PHAX: variants seen among roughly 807,000 people sequenced by gnomAD.
PHAX encodes phosphorylated adapter RNA export protein.
PHAX carries 31 observed loss-of-function variants against 41.6 expected under a neutral mutation model. The observed-to-expected ratio is 0.75, with a 90% CI of 0.56 to 1.01. PHAX has a LOEUF of 1.01. PHAX is among the 50% of genes least tolerant of loss of function. PHAX has a pLI of 0.00. For missense variants in PHAX, 453 were observed against 472.9 expected, an observed-to-expected ratio of 0.96 and a Z score of 0.39; for synonymous variants, 175 against 164.9, an observed-to-expected ratio of 1.06 and a Z score of -0.47.
At chr5:126,619,691 T>C (rs1001731645) in intron 4 of PHAX, among the ~76,000 whole-genome samples, 6 of 152,190 alleles carry the variant, frequency 3.9e-5, no homozygotes, top group African/African-American at 1.4e-4. Context: ...TCCAGTATTA[T>C]AAACTAGAAG....
At chr5:126,619,612 A>G (rs1752239003) in intron 4 of PHAX, among the ~76,000 whole-genome samples, 1 of 151,610 alleles carries the variant, frequency 6.6e-6, no homozygotes, top group Non-Finnish European at 1.5e-5. Context: ...TGGTTATCTT[A>G]CAGAATATTA....
At chr5:126,623,704 G>C (rs756198079) in intron 4 of PHAX, among the ~76,000 whole-genome samples, 13 of 152,060 alleles carry the variant, frequency 8.5e-5, no homozygotes, top group Non-Finnish European at 1.5e-4. Context: ...TGTGCTGCTT[G>C]TAACTATTTA....
rs968760518 is a variant in PHAX, at chr5:126,625,069, A to G, written c.*225A>G. ...ATATAGCACAGGATTTAATTTCTCAATCTGTTGCATGTGCTAATTATGAGT... is the reference window on the plus strand; with the variant it reads ...ATATAGCACAGGATTTAATTTCTCAGTCTGTTGCATGTGCTAATTATGAGT... On this transcript the variant is annotated 3_prime_UTR_variant, in exon 5 of 5. Coordinates refer to ENST00000297540, the MANE Select transcript of PHAX (RefSeq NM_032177.4). 3.5e-5 allele frequency: 17 copies of G among 482,464 alleles called. No homozygotes were observed. The highest frequency in any genetic ancestry group is 1.6e-4 in the African/African-American group (8 of 50,154). 29.9% of individuals were successfully genotyped at this position (482,464 alleles called of 1,614,324 possible).
In PHAX at chr5:126,625,596, C is replaced by CAA. The variant is rs34986351; in HGVS notation, c.*766_*767dup. The stretch of plus-strand genomic sequence containing the variant: ...TGGGCGACAGAGCAAGACTCTGTCT[C>CAA]AAAAAAAAAAAAAAATACAATTAAG... On this transcript the variant is annotated 3_prime_UTR_variant, in exon 5 of 5. Coordinates refer to ENST00000297540, the MANE Select transcript of PHAX (RefSeq NM_032177.4). The CAA allele has an allele frequency of 9.9e-4, 116 of 117,704 alleles. 2 individuals are homozygous for CAA. The highest frequency in any genetic ancestry group is 6.6e-3 in the South Asian group (25 of 3,802). The allele number at this position is 117,704 out of a possible 1,614,324, so 7.3% of individuals were successfully genotyped here. A position where few individuals can be genotyped will look rare whatever the true frequency, so the allele number is the denominator to read the frequency against.
chr5:126,606,118 CCTTG>C (rs1320674706), intron 2 of PHAX, among the ~76,000 whole-genome samples: 8 of 151,894 alleles, frequency 5.3e-5, no homozygotes, highest in African/African-American at 1.7e-4. Context: ...TAATCTCGTG[CCTTG>C]CTTCTGTCAG....
rs1384092348 is a variant in PHAX at position 126,626,448 on chromosome 5, C to CA, written c.*1610dup. The CA allele has an allele frequency of 6.6e-6, 1 of 151,618 alleles. No homozygotes were observed. Among genetic ancestry groups the CA allele is most frequent in the Non-Finnish European group, 1.5e-5 (1 of 67,910 alleles). 9.4% of individuals were successfully genotyped at this position (151,618 alleles called of 1,614,324 possible). A position where few individuals can be genotyped will look rare whatever the true frequency, so the allele number is the denominator to read the frequency against. On this transcript the variant is annotated 3_prime_UTR_variant, in exon 5 of 5. Transcript: ENST00000297540. ...ATCTCAACTAAAAATACAAAAAATACAAAAAATTAGCCGGGCGCGGTGGCT... is the reference window on the plus strand; with the variant it reads ...ATCTCAACTAAAAATACAAAAAATACAAAAAAATTAGCCGGGCGCGGTGGCT...
intron 4 of PHAX, among the ~76,000 whole-genome samples, chr5:126,622,839 C>T (rs1483547819): frequency 6.6e-6 from 1 of 151,730 alleles, no homozygotes; most frequent in African/African-American, 2.4e-5. Flanking sequence ...ATTTTAAGAA[C>T]ATTGGGCCGG....
chr5:126,602,518 A>G (rs1751919956), intron 1 of PHAX, among the ~76,000 whole-genome samples: 1 of 152,276 alleles, frequency 6.6e-6, no homozygotes, highest in Non-Finnish European at 1.5e-5. Flanking sequence ...ATTTGAAGAT[A>G]GGAAGATAGA....
chr5:126,619,358 A>C (rs180999080), intron 4 of PHAX, among the ~76,000 whole-genome samples: 1 of 152,076 alleles, frequency 6.6e-6, no homozygotes, highest in Non-Finnish European at 1.5e-5. Context: ...TGGGCAGATC[A>C]GTTGAGTTCA....
intron 2 of PHAX, among the ~76,000 whole-genome samples, chr5:126,605,147 A>G (rs1263301676): frequency 6.6e-6 from 1 of 150,930 alleles, no homozygotes; most frequent in Non-Finnish European, 1.5e-5. Flanking sequence ...ATATGCATCA[A>G]CCACTGCGCT....
At chr5:126,606,683 A>G (rs931133578) in intron 2 of PHAX, among the ~76,000 whole-genome samples, 3 of 151,678 alleles carry the variant, frequency 2.0e-5, no homozygotes, top group African/African-American at 7.3e-5. Flanking sequence ...ACAGAGTCTC[A>G]CTCTGTTGCC....
rs1307242229 is a variant in PHAX, at chr5:126,604,019, C to T, written c.546C>T (p.Gly182=). ...DKELDEYMHG[G]KKMGSKEEEN... ...AACTAGATGAATATATGCATGGTGG[C>T]AAAAAAATGGGATCAAAGGAAGAGG... Residue 182 remains glycine (G), a synonymous_variant, in exon 2 of 5, where the codon GGC becomes GGT. Transcript: ENST00000297540. The T allele has an allele frequency of 6.2e-7, 1 of 1,612,092 alleles. No homozygotes were observed. Among genetic ancestry groups the T allele is most frequent in the Non-Finnish European group, 8.5e-7 (1 of 1,179,542 alleles).
chr5:126,601,100 G>T (rs1403545903), intron 1 of PHAX, 42 bp downstream of exon 1: 1 of 1,452,226 alleles, frequency 6.9e-7, no homozygotes, highest in African/African-American at 1.4e-5. Flanking sequence ...CTGGGCGCGC[G>T]GAGCCTGGGC....
chr5:126,601,021 T>G lies in PHAX; in HGVS notation c.59T>G (p.Met20Arg), dbSNP rs748235706. ...CAGCTTTCCGACTCGGATTCCGACATGACGGTCGCACCCAGCGACAGGCCG... is the reference window on the plus strand; with the variant it reads ...CAGCTTTCCGACTCGGATTCCGACAGGACGGTCGCACCCAGCGACAGGCCG... The part of the protein sequence containing the change: ...DGQLSDSDSD[M>R]TVAPSDRPLQ... The change falls in exon 1 of 5, where the codon ATG becomes AGG. Residue 20 changes from methionine (M) to arginine (R), a missense_variant. Coordinates refer to ENST00000297540, the MANE Select transcript of PHAX (RefSeq NM_032177.4). 5.6e-6 allele frequency: 9 copies of G among 1,606,712 alleles called. No homozygotes were observed. The highest frequency in any genetic ancestry group is 1.7e-5 in the Admixed American group (1 of 59,484).
chr5:126,601,507 C>A (rs911237576), intron 1 of PHAX, among the ~76,000 whole-genome samples: 1 of 152,208 alleles, frequency 6.6e-6, no homozygotes, highest in African/African-American at 2.4e-5. Context: ...GGGACATCAG[C>A]CTGAAACAGC....
Position 126,604,011 on chromosome 5 carries a change from C to G in PHAX, c.538C>G (p.His180Asp), listed in dbSNP as rs977677601. 3 of 1,613,672 alleles carry G rather than the reference C, an allele frequency of 1.9e-6. 1 individual carries two copies. The highest frequency in any genetic ancestry group is 2.2e-5 in the South Asian group (2 of 91,062). ...AGACAAGGAACTAGATGAATATATG[C>G]ATGGTGGCAAAAAAATGGGATCAAA... is the stretch of plus-strand genomic sequence containing the variant. ...DLDKELDEYM[H>D]GGKKMGSKEE... The change falls in exon 2 of 5, where the codon CAT (histidine) becomes GAT (aspartate). Residue 180 changes from histidine (H) to aspartate (D), a missense_variant. Transcript: ENST00000297540.
Position 126,603,704 on chromosome 5 carries a change from C to T in PHAX, c.231C>T (p.Ser77=), listed in dbSNP as rs750163232. 2.2e-5 allele frequency: 36 copies of T among 1,614,062 alleles called. No individual in the cohort carries two copies. The highest frequency in any genetic ancestry group is 3.0e-5 in the Non-Finnish European group (35 of 1,180,054). The part of the protein sequence containing the change: ...EESFSDSDDD[S]CLWKRKRQKC... The stretch of plus-strand genomic sequence containing the variant: ...GTTTTTCTGATTCAGATGATGATAG[C>T]TGTCTTTGGAAACGCAAACGACAGA... The change falls in exon 2 of 5, where the codon AGC becomes AGT. Residue 77 remains serine (S), a synonymous_variant. Coordinates refer to ENST00000297540, the MANE Select transcript of PHAX (RefSeq NM_032177.4).
In PHAX at chr5:126,609,720, A is replaced by C. The variant is rs994799490; in HGVS notation, c.831+1236A>C. Among the ~76,000 whole-genome samples the C allele has an allele frequency of 3.9e-5, 6 of 151,986 alleles. No homozygotes were observed. In the East Asian group the frequency reaches 9.7e-4, roughly 25 times the overall value. ...ATTCTTGAAAAAGAGGGCAAAAAAA[A>C]AAAACAAAACACCCTTTTTTTTGTT... On this transcript the variant is annotated intron_variant, in intron 3 of 4. Transcript: ENST00000297540.
chr5:126,600,966 G>C lies in PHAX; in HGVS notation c.4G>C (p.Ala2Pro). 6.2e-7 allele frequency: 1 copy of C among 1,603,814 alleles called. No homozygotes were observed. The highest frequency in any genetic ancestry group is 8.5e-7 in the Non-Finnish European group (1 of 1,175,200). Residue 2 changes from alanine (A) to proline (P), a missense_variant, in exon 1 of 5, where the codon GCG becomes CCG. By Grantham distance (27) the Ala-to-Pro change is conservative. Transcript: ENST00000297540. ...CAGCGCAGCGCACCGCGGGAAGATG[G>C]CGTTGGAGGTCGGCGATATGGAAGA... M[A>P]LEVGDMEDGQ...
Sources: allele counts gnomAD v4.1 joint callset (sites outside exome capture counted in the v4.1 genomes callset), GRCh38; gene constraint gnomAD v4.1.1; transcripts MANE v1.5; gene names NCBI Gene and HGNC (gene_info 2026-07-23, HGNC 2026-07-21).